THSD7B: variants seen among roughly 807,000 people sequenced by gnomAD.
THSD7B encodes the protein thrombospondin type 1 domain containing 7B.
THSD7B carries 138 observed loss-of-function variants against 213.6 expected under a neutral mutation model. The ratio of observed to expected loss-of-function variants is 0.65; its 90% CI spans 0.56 to 0.74. The LOEUF (loss-of-function observed/expected upper bound fraction) is 0.74, where lower values mean the gene tolerates loss of function less well. Ranked by LOEUF, THSD7B falls within the 30% of genes least tolerant of loss-of-function variation. THSD7B has a pLI of 0.00. For synonymous variants in THSD7B, 742 were observed against 687.0 expected (o/e 1.08, Z -1.25); for missense variants, 1,931 against 1,991.5 (o/e 0.97, Z 0.58).
At chr2:137,564,583 C>G (rs1299975146) in intron 16 of THSD7B, among the ~76,000 whole-genome samples, 5 of 152,090 alleles carry the variant, frequency 3.3e-5, no homozygotes, top group Non-Finnish European at 7.3e-5. Flanking sequence ...GATTGACCAA[C>G]CTAGCTTGTA....
chr2:137,074,694 A>G (rs1255532326), intron 3 of THSD7B, among the ~76,000 whole-genome samples: 4 of 152,084 alleles, frequency 2.6e-5, no homozygotes, highest in Admixed American at 2.6e-4. Context: ...CGGTCTTTAC[A>G]ATTTGGCATG....
At chr2:137,062,769 T>G (rs1687301043) in intron 3 of THSD7B, among the ~76,000 whole-genome samples, 1 of 151,860 alleles carries the variant, frequency 6.6e-6, no homozygotes, top group Non-Finnish European at 1.5e-5. Context: ...GAGAAGAATG[T>G]GTGTACTCTG....
chr2:136,817,717 C>G (rs1011753351), intron 1 of THSD7B, among the ~76,000 whole-genome samples: 1 of 151,866 alleles, frequency 6.6e-6, no homozygotes, highest in Non-Finnish European at 1.5e-5. Flanking sequence ...ACAAACAACC[C>G]CATCAAAAAG....
chr2:137,124,141 C>T (rs1021281271), intron 5 of THSD7B, among the ~76,000 whole-genome samples: 3 of 152,158 alleles, frequency 2.0e-5, no homozygotes, highest in South Asian at 2.1e-4. Flanking sequence ...TGGAAAACCA[C>T]GCTGAGACTA....
At chr2:137,132,374 T>G (rs891004934) in intron 5 of THSD7B, among the ~76,000 whole-genome samples, 1 of 152,134 alleles carries the variant, frequency 6.6e-6, no homozygotes, top group Non-Finnish European at 1.5e-5. Context: ...TTCAATTTTT[T>G]TTTTTTTAAA....
At chr2:137,265,219 A>C (rs1682559436) in intron 10 of THSD7B, among the ~76,000 whole-genome samples, 1 of 152,188 alleles carries the variant, frequency 6.6e-6, no homozygotes, top group African/African-American at 2.4e-5. Context: ...AAAAATGCTC[A>C]CCATCACTGG....
At chr2:136,861,488 G>A (rs1339153053) in intron 1 of THSD7B, among the ~76,000 whole-genome samples, 1 of 152,202 alleles carries the variant, frequency 6.6e-6, no homozygotes, top group Non-Finnish European at 1.5e-5. Flanking sequence ...GGAGGCAATA[G>A]TGTTTCAGAA....
chr2:137,482,802 C>A (rs373486040), intron 15 of THSD7B, among the ~76,000 whole-genome samples: 5 of 152,060 alleles, frequency 3.3e-5, no homozygotes, highest in Admixed American at 1.3e-4. Context: ...CAGCTTCTCA[C>A]CTTGTGCCAG....
chr2:137,477,616 T>G (rs1464388413), intron 15 of THSD7B, among the ~76,000 whole-genome samples: 1 of 152,056 alleles, frequency 6.6e-6, no homozygotes, highest in African/African-American at 2.4e-5. Context: ...CCCTCTTATT[T>G]TTTATCATTG....
intron 4 of THSD7B, among the ~76,000 whole-genome samples, chr2:137,096,044 A>T (rs757199495): frequency 6.6e-6 from 1 of 152,064 alleles, no homozygotes; most frequent in African/African-American, 2.4e-5. Context: ...TACCTATCCA[A>T]AGACCTGGGT....
At chr2:136,906,316 T>C (rs1208160658) in intron 2 of THSD7B, 1 of 152,132 alleles carries the variant, frequency 6.6e-6, no homozygotes, top group African/African-American at 2.4e-5. Context: ...ATAAAGTATA[T>C]TTGTGTGTGT....
At chr2:137,208,366 G>A (rs189971375) in intron 7 of THSD7B, among the ~76,000 whole-genome samples, 40 of 151,968 alleles carry the variant, frequency 2.6e-4, no homozygotes, top group African/African-American at 9.4e-4. Context: ...ACTTGTTTGC[G>A]GAGGCCTGGG....
chr2:136,968,193 A>T (rs915827125), intron 2 of THSD7B, among the ~76,000 whole-genome samples: 2 of 152,120 alleles, frequency 1.3e-5, no homozygotes, highest in Non-Finnish European at 2.9e-5. Context: ...TTATTTTCCA[A>T]CGTGATGAAA....
At chr2:136,891,604 C>T (rs546191496) in intron 2 of THSD7B, among the ~76,000 whole-genome samples, 152 of 152,182 alleles carry the variant, frequency 1.0e-3, no homozygotes, top group Middle Eastern at 3.2e-3. Context: ...CTGGAGGCTC[C>T]GCTCCCTGTG....
chr2:137,233,504 G>A (rs1445501098), intron 9 of THSD7B, among the ~76,000 whole-genome samples: 2 of 152,106 alleles, frequency 1.3e-5, no homozygotes, highest in Admixed American at 6.6e-5. Context: ...TTGAAATATA[G>A]GGTTGTGTCT....
chr2:137,268,651 C>T (rs912184250), intron 10 of THSD7B, among the ~76,000 whole-genome samples: 1 of 152,072 alleles, frequency 6.6e-6, no homozygotes, highest in Non-Finnish European at 1.5e-5. Flanking sequence ...ATTTAGCTGG[C>T]TTCTTTACTG....
intron 12 of THSD7B, among the ~76,000 whole-genome samples, chr2:137,303,718 ATATATATATT>A (rs1558749659): frequency 8.1e-4 from 92 of 114,024 alleles, no homozygotes; most frequent in Middle Eastern, 5.0e-3. Context: ...ATATATATTT[ATATATATATT>A]TATATATATA....
At chr2:137,178,855 T>C (rs1680404928) in intron 7 of THSD7B, among the ~76,000 whole-genome samples, 1 of 152,222 alleles carries the variant, frequency 6.6e-6, no homozygotes, top group South Asian at 2.1e-4. Context: ...CTTTTGTCTT[T>C]TTTCTCCTTT....
intron 2 of THSD7B, among the ~76,000 whole-genome samples, chr2:136,995,241 TA>T (rs1352159366): frequency 2.6e-5 from 4 of 152,128 alleles, no homozygotes; most frequent in African/African-American, 9.7e-5. Flanking sequence ...CAGTGGATGT[TA>T]AATATGATTT....
Sources: gnomAD v4.1 joint callset for allele counts (sites outside exome capture counted in the v4.1 genomes callset) on GRCh38, gnomAD v4.1.1 for gene constraint, MANE v1.5 for transcripts, NCBI Gene and HGNC (gene_info 2026-07-23, HGNC 2026-07-21) for gene names.